The following FSHR variants were observed in gnomAD, a reference collection of about 807,000 sequenced individuals.
FSHR encodes follicle-stimulating hormone receptor.
In FSHR, 46 loss-of-function variants were observed where a neutral mutation model predicts 52.1. The observed-to-expected ratio is 0.88, with a 90% confidence interval of 0.70 to 1.13. The LOEUF (loss-of-function observed/expected upper bound fraction) is 1.13. Among genes scored for constraint, FSHR ranks in the 50% most tolerant of loss-of-function variants. The probability of loss-of-function intolerance (pLI) is 0.00; values close to 1 mark genes in which losing one functional copy is unlikely to be tolerated. For missense variants in FSHR, 964 were observed against 834.6 expected, an observed-to-expected ratio of 1.16 and a Z score of -1.91; for synonymous variants, 399 against 309.6, an observed-to-expected ratio of 1.29 and a Z score of -3.03.
chr2:49,028,295 G>A (rs1667979222), intron 2 of FSHR, among the ~76,000 whole-genome samples: 1 of 152,160 alleles, frequency 6.6e-6, no homozygotes, highest in South Asian at 2.1e-4. Flanking sequence ...TGCTCTGCAT[G>A]GGTAATCTCA....
chr2:49,051,819 T>C (rs557697527), intron 2 of FSHR, among the ~76,000 whole-genome samples: 1 of 152,274 alleles, frequency 6.6e-6, no homozygotes, highest in South Asian at 2.1e-4. Context: ...TTTAAAATTT[T>C]AGTTTTTGCG....
chr2:49,061,147 CA>C (rs1291211617), intron 2 of FSHR, among the ~76,000 whole-genome samples: 1 of 152,068 alleles, frequency 6.6e-6, no homozygotes, highest in Admixed American at 6.6e-5. Context: ...CTCAGAGTCA[CA>C]AATCTTGGCT....
intron 4 of FSHR, among the ~76,000 whole-genome samples, chr2:48,995,324 G>A (rs1222575217): frequency 6.6e-6 from 1 of 152,128 alleles, no homozygotes; most frequent in Non-Finnish European, 1.5e-5. Flanking sequence ...TGCTTTATGA[G>A]TTCAGGGAAG....
At chr2:49,005,954 C>T (rs903995221) in intron 4 of FSHR, among the ~76,000 whole-genome samples, 2 of 152,090 alleles carry the variant, frequency 1.3e-5, no homozygotes, top group Non-Finnish European at 2.9e-5. Context: ...AATCAGCTGC[C>T]AGCATGGCCA....
intron 1 of FSHR, among the ~76,000 whole-genome samples, chr2:49,136,831 A>G (rs1308304090): frequency 6.6e-6 from 1 of 152,144 alleles, no homozygotes; most frequent in East Asian, 1.9e-4. Flanking sequence ...TCTTGGTAAG[A>G]ATACTTAACA....
intron 4 of FSHR, among the ~76,000 whole-genome samples, chr2:49,016,786 T>C (rs1439639527): frequency 8.4e-6 from 1 of 118,528 alleles, no homozygotes; most frequent in Non-Finnish European, 1.8e-5. Flanking sequence ...AGGATTATTA[T>C]TTCCATTCTC....
At chr2:49,078,092 C>T (rs1198179112) in intron 1 of FSHR, among the ~76,000 whole-genome samples, 1 of 152,138 alleles carries the variant, frequency 6.6e-6, no homozygotes, top group Non-Finnish European at 1.5e-5. Context: ...CTGTTTTAGT[C>T]CACTTTCATG....
Position 48,963,094 on chromosome 2 carries a change from A to C in FSHR, c.1727T>G (p.Met576Arg). 6.2e-7 allele frequency: 1 copy of C among 1,614,104 alleles called. No homozygotes were observed. Among genetic ancestry groups the C allele is most frequent in the Non-Finnish European group, 8.5e-7 (1 of 1,180,006 alleles). Residue 576 changes from methionine (M) to arginine (R), a missense_variant, in exon 10 of 10, where the codon ATG becomes AGG. Transcript: ENST00000406846. ...SDTRIAKRMA[M>R]LIFTDFLCMA... ...GCAGAGGAAGTCAGTGAAGATGAGC[A>C]TGGCCATGCGCTTGGCGATCCTGGT...
intron 1 of FSHR, among the ~76,000 whole-genome samples, chr2:49,068,987 C>G (rs911276928): frequency 1.3e-5 from 2 of 152,062 alleles, no homozygotes; most frequent in African/African-American, 4.8e-5. Flanking sequence ...CATAATGTCT[C>G]TCATCTCATC....
rs573650965 is a variant in FSHR at position 49,000,223 on chromosome 2, G to T, written c.375-9586C>A. Among the ~76,000 whole-genome samples the T allele has an allele frequency of 2.0e-4, 31 of 152,202 alleles. No individual in the cohort carries two copies. The South Asian group carries it at 6.0e-3, about 29-fold the overall frequency. The stretch of plus-strand genomic sequence containing the variant: ...AGGGACTCTGTGTAACTACGCTAGG[G>T]TTGTAAATGATATCAGTCTCAAGGT... On this transcript the variant is annotated intron_variant, in intron 4 of 9. Coordinates refer to ENST00000406846, the MANE Select transcript of FSHR (RefSeq NM_000145.4).
chr2:49,127,749 T>TTC lies in FSHR; in HGVS notation c.152+26516_152+26517insGA, dbSNP rs1672062236. 1.8e-5 allele frequency among the ~76,000 whole-genome samples: 2 copies of TTC among 113,910 alleles called. 1 individual carries two copies. Among genetic ancestry groups the TTC allele is most frequent in the African/African-American group, 7.0e-5 (2 of 28,654 alleles). The allele number at this position is 113,910 out of a possible 152,430, so 74.7% of individuals were successfully genotyped here. On this transcript the variant is annotated intron_variant, in intron 1 of 9. Transcript: ENST00000406846. ...TGATTTGTGCATGATTTCTTCTTCT[T>TTC]CTTTCTTCTTCTTCTTCTTCTTCTT... is the stretch of plus-strand genomic sequence containing the variant.
chr2:49,142,379 A>G (rs569047710), intron 1 of FSHR, among the ~76,000 whole-genome samples: 176 of 152,326 alleles, frequency 1.2e-3, no homozygotes, highest in African/African-American at 4.1e-3. Context: ...AAGAGGAAAG[A>G]GAAAAATAGA....
intron 2 of FSHR, among the ~76,000 whole-genome samples, chr2:49,054,301 C>T (rs1024874741): frequency 8.5e-5 from 13 of 152,132 alleles, no homozygotes; most frequent in Non-Finnish European, 5.9e-5. Flanking sequence ...AGAAATAGCC[C>T]ACAGGTTGCT....
intron 2 of FSHR, among the ~76,000 whole-genome samples, chr2:49,066,439 G>T (rs144691379): frequency 6.9e-4 from 105 of 152,162 alleles, no homozygotes; most frequent in African/African-American, 2.2e-3. Flanking sequence ...ATGGACAAAG[G>T]TGAGCACGGA....
At chr2:49,070,358 G>T (rs1669683305) in intron 1 of FSHR, among the ~76,000 whole-genome samples, 1 of 152,058 alleles carries the variant, frequency 6.6e-6, no homozygotes. Context: ...TCTACTTCTA[G>T]AATATCTATC....
chr2:49,029,341 G>A (rs986316474), intron 2 of FSHR, among the ~76,000 whole-genome samples: 5 of 152,114 alleles, frequency 3.3e-5, no homozygotes, highest in African/African-American at 1.2e-4. Context: ...ACAAAACTTG[G>A]CATGCTAGAA....
At chr2:48,980,652 G>T (rs926100605) in intron 8 of FSHR, among the ~76,000 whole-genome samples, 4 of 152,168 alleles carry the variant, frequency 2.6e-5, no homozygotes, top group African/African-American at 9.7e-5. Context: ...GTTTCAGGGG[G>T]CCTCACCGAA....
intron 1 of FSHR, among the ~76,000 whole-genome samples, chr2:49,099,669 A>G (rs1171354981): frequency 1.3e-5 from 2 of 152,156 alleles, no homozygotes; most frequent in South Asian, 2.1e-4. Context: ...CCATGTGAAG[A>G]CACAGAGACA....
chr2:49,064,062 T>TTG (rs61681324), intron 2 of FSHR, among the ~76,000 whole-genome samples: 10,759 of 148,648 alleles, frequency 0.072, 548 homozygotes, highest in African/African-American at 0.14. Context: ...CATGAAGAGT[T>TTG]TGTGTGTGTG....
Sources: allele counts gnomAD v4.1 joint callset (sites outside exome capture counted in the v4.1 genomes callset), GRCh38; gene constraint gnomAD v4.1.1; transcripts MANE v1.5; gene names NCBI Gene and HGNC (gene_info 2026-07-23, HGNC 2026-07-21).